The following PABIR3 variants were observed in gnomAD, a reference collection of about 807,000 sequenced individuals.
PABIR3 encodes PABIR family member 3.
Under a neutral mutation model 23.1 loss-of-function variants are expected in PABIR3, and 20 were observed. The observed-to-expected ratio is 0.86, with a 90% confidence interval of 0.61 to 1.26. The LOEUF (loss-of-function observed/expected upper bound fraction) is 1.26. PABIR3 is among the 50% of genes most tolerant of loss of function. PABIR3 has a pLI of 0.00. For synonymous variants in PABIR3, 69 were observed against 68.5 expected, an observed-to-expected ratio of 1.01 and a Z score of -0.04; for missense variants, 189 against 195.4, an observed-to-expected ratio of 0.97 and a Z score of 0.20.
chrX:134,863,410 A>G, the PABIR3 span, among the ~76,000 whole-genome samples: 1 of 111,610 alleles, frequency 9.0e-6, no homozygotes, highest in Non-Finnish European at 1.9e-5. Context: ...ACATTAGTAG[A>G]ACTTTTTACC....
Position 134,822,483 on chromosome X carries a change from C to T in PABIR3, c.190-6743C>T, listed in dbSNP as rs185485438. The T allele has an allele frequency of 9.9e-5, 74 of 751,129 alleles. No individual in the cohort carries two copies. In the African/African-American group the frequency reaches 1.7e-3, roughly 17 times the overall value. 61.9% of individuals were successfully genotyped at this position (751,129 alleles called of 1,213,427 possible). The stretch of plus-strand genomic sequence containing the variant: ...TAGCTCAAGTTCAAATCCTACCTAC[C>T]TCAGACATTTCACACTATCTCCCTG... On this transcript the variant is annotated intron_variant, in intron 3 of 10. Transcript: ENST00000645433.
intron 2 of PABIR3, 41 bp from the exon 3 acceptor site, chrX:134,814,730 A>C: frequency 1.0e-6 from 1 of 955,517 alleles, no homozygotes; most frequent in Non-Finnish European, 1.4e-6. Context: ...AGAATTTTGT[A>C]ATGGATTTTA....
intron 2 of PABIR3, among the ~76,000 whole-genome samples, chrX:134,812,806 A>C (rs1303212901): frequency 9.0e-6 from 1 of 111,622 alleles, no homozygotes; most frequent in East Asian, 2.8e-4. Context: ...TATGTAGAAC[A>C]GACTTGAAGG....
In PABIR3 at chrX:134,852,841, G is replaced by A; in HGVS notation, c.631G>A (p.Gly211Ser). 2.6e-6 allele frequency: 3 copies of A among 1,140,696 alleles called. No homozygotes were observed. The highest frequency in any genetic ancestry group is 3.5e-6 in the Non-Finnish European group (3 of 865,805). The allele number at this position is 1,140,696 out of a possible 1,213,427, so 94.0% of individuals were successfully genotyped here. Residue 211 changes from glycine (G) to serine (S), a missense_variant, in exon 10 of 11, where the codon GGC (glycine) becomes AGC (serine). Gly to Ser is a moderately conservative substitution (Grantham distance 56, BLOSUM62 0). Transcript: ENST00000645433. Reference sequence around the variant, plus strand: ...ATATCAACCAAAAAAGATTTTCCAAGGCACAACCAACATGCTTTCTTCTGA... The same window carrying A: ...ATATCAACCAAAAAAGATTTTCCAAAGCACAACCAACATGCTTTCTTCTGA... ...FQYQPKKIFQ[G>S]TTNMLSSDTS...
chrX:134,847,676 G>A (rs1387945299), intron 7 of PABIR3, among the ~76,000 whole-genome samples: 1 of 111,349 alleles, frequency 9.0e-6, no homozygotes, highest in Non-Finnish European at 1.9e-5. Context: ...AAAGCATAGG[G>A]TTAGATTAAT....
At chrX:134,812,603 A>C (rs1056860632) in intron 2 of PABIR3, among the ~76,000 whole-genome samples, 21 of 111,603 alleles carry the variant, frequency 1.9e-4, no homozygotes, top group Non-Finnish European at 9.4e-5. Flanking sequence ...TAGGGAGCTT[A>C]AGATAAGTGC....
chrX:134,805,077 A>G (rs966190611), upstream of PABIR3, among the ~76,000 whole-genome samples: 4 of 112,823 alleles, frequency 3.5e-5, no homozygotes, highest in African/African-American at 9.7e-5. Context: ...TTTCAGAAGT[A>G]TTTATCAAGT....
intron 1 of PABIR3, among the ~76,000 whole-genome samples, chrX:134,801,931 G>A (rs1185423389): frequency 9.2e-6 from 1 of 108,195 alleles, no homozygotes; most frequent in African/African-American, 3.4e-5. Context: ...TGACGGAATA[G>A]AGGAGGTTTG....
chrX:134,807,896 C>T (rs1018656133), intron 2 of PABIR3, among the ~76,000 whole-genome samples, 188 bp downstream of exon 2: 2 of 111,187 alleles, frequency 1.8e-5, no homozygotes, highest in Non-Finnish European at 1.9e-5. Flanking sequence ...TGAGGGGGAG[C>T]GCGCACCCAC....
downstream of PABIR3, among the ~76,000 whole-genome samples, chrX:134,859,490 A>T (rs919705176): frequency 1.8e-5 from 2 of 111,394 alleles, no homozygotes; most frequent in Admixed American, 1.9e-4. Flanking sequence ...CAGGATTTCC[A>T]TATTAATAAC....
chrX:134,859,634 A>G (rs2082763233), downstream of PABIR3, among the ~76,000 whole-genome samples: 1 of 112,197 alleles, frequency 8.9e-6, no homozygotes, highest in Non-Finnish European at 1.9e-5. Flanking sequence ...TACATCAACT[A>G]TAAAAACATC....
intron 3 of PABIR3, chrX:134,821,979 C>T: frequency 1.3e-6 from 1 of 760,000 alleles, no homozygotes; most frequent in Non-Finnish European, 1.6e-6. Flanking sequence ...TGTGATCTCT[C>T]TTAAATGGAA....
intron 2 of PABIR3, among the ~76,000 whole-genome samples, chrX:134,808,535 C>G (rs934000330): frequency 9.0e-6 from 1 of 111,613 alleles, no homozygotes; most frequent in Admixed American, 9.5e-5. Context: ...CGCCCACCAA[C>G]ACTCCCGGCT....
chrX:134,797,295 A>C (rs1199861916), intron 1 of PABIR3: 2 of 113,254 alleles, frequency 1.8e-5, no homozygotes, highest in African/African-American at 3.2e-5. Flanking sequence ...AAAGGGGAGG[A>C]GCGTTTCCAG....
chrX:134,807,452 G>A, intron 1 of PABIR3, 88 bp from the exon 2 acceptor site: 2 of 1,098,860 alleles, frequency 1.8e-6, no homozygotes, highest in Admixed American at 6.2e-5. Context: ...GGCTGCAAAG[G>A]TGGGCACCCC....
intron 4 of PABIR3, chrX:134,831,641 A>G (rs1367940744): frequency 9.0e-6 from 1 of 111,606 alleles, no homozygotes; most frequent in Non-Finnish European, 1.9e-5. Context: ...TACAGGTGCC[A>G]TGGGGTACAT....
chrX:134,819,742 G>A (rs760614073), intron 3 of PABIR3, among the ~76,000 whole-genome samples: 140 of 110,387 alleles, frequency 1.3e-3, no homozygotes, highest in South Asian at 2.0e-3. Flanking sequence ...AAAATTAGCC[G>A]GGCATGGTGG....
At chrX:134,843,127 G>T (rs1324571494) in intron 4 of PABIR3, among the ~76,000 whole-genome samples, 3 of 109,050 alleles carry the variant, frequency 2.8e-5, no homozygotes, top group East Asian at 2.9e-4. Flanking sequence ...TTGAACCCAG[G>T]AGGCAGAGGT....
chrX:134,802,169 C>T (rs187361858), intron 1 of PABIR3, among the ~76,000 whole-genome samples: 1,822 of 110,273 alleles, frequency 0.017, 23 homozygotes, highest in Non-Finnish European at 0.026. Context: ...CTGCAACCTC[C>T]GCCTCCCAGG....
Sources: allele counts gnomAD v4.1 joint callset (sites outside exome capture counted in the v4.1 genomes callset), GRCh38; gene constraint gnomAD v4.1.1; transcripts MANE v1.5; gene names NCBI Gene and HGNC (gene_info 2026-07-23, HGNC 2026-07-21).